ECEL1: variants seen among roughly 807,000 people sequenced by gnomAD.
ECEL1 encodes the protein endothelin converting enzyme like 1, also known as endothelin-converting enzyme-like 1.
In ECEL1, 87 loss-of-function variants were observed where a neutral mutation model predicts 101.8. The ratio of observed to expected loss-of-function variants is 0.85; its 90% CI spans 0.72 to 1.02. ECEL1 has a LOEUF of 1.02. ECEL1 is among the 50% of genes least tolerant of loss of function. The pLI is 0.00. For synonymous variants in ECEL1, 487 were observed against 468.7 expected, an observed-to-expected ratio of 1.04 and a Z score of -0.50; for missense variants, 1,032 against 1,079.2, an observed-to-expected ratio of 0.96 and a Z score of 0.61.
In ECEL1 at chr2:232,480,808, A is replaced by T; in HGVS notation, c.2061T>A (p.Tyr687Ter). 1 of 1,612,978 alleles carries T rather than the reference A, an allele frequency of 6.2e-7. No homozygotes were observed. The highest frequency in any genetic ancestry group is 8.5e-7 in the Non-Finnish European group (1 of 1,179,512). The change falls in exon 16 of 18, where the codon TAT becomes TAA. Residue 687 changes from tyrosine (Y) to a stop codon, truncating the protein, a stop_gained. Coordinates refer to ENST00000304546, the MANE Select transcript of ECEL1 (RefSeq NM_004826.4). LOFTEE classifies it high-confidence loss of function. ...GGCCGTGCTCCCGCACCCACTTCTGATAGGCCTGGGGACACAGAGAGCATG... is the reference window on the plus strand; with the variant it reads ...GGCCGTGCTCCCGCACCCACTTCTGTTAGGCCTGGGGACACAGAGAGCATG... Reference protein sequence around the residue: ...MGGLKLAYHAYQKWVREHGPE... With the variant: ...MGGLKLAYHA
Position 232,485,199 on chromosome 2 carries a change from C to T in ECEL1, c.855G>A (p.Lys285=), listed in dbSNP as rs1385907680. 4 of 1,613,584 alleles carry T rather than the reference C, an allele frequency of 2.5e-6. No homozygotes were observed. Among genetic ancestry groups the T allele is most frequent in the Non-Finnish European group, 3.4e-6 (4 of 1,180,006 alleles). Residue 285 remains lysine (K), a splice_region_variant and synonymous_variant, in exon 3 of 18, where the codon AAG becomes AAA. Transcript: ENST00000304546. ...GCCTCCCCATCCCATGCCCCAGCAC[C>T]TTCTCACTGTCCTCATCCTGAGCGA... The part of the protein sequence containing the change: ...LYLAQDEDSE[K]ILAAYRVFME...
At chr2:232,483,679 G>C (rs528782438) in intron 7 of ECEL1, among the ~76,000 whole-genome samples, 165 bp from the exon 8 acceptor site, 7 of 152,280 alleles carry the variant, frequency 4.6e-5, no homozygotes, top group Admixed American at 1.3e-4. Flanking sequence ...CTGCACCCCC[G>C]AGGGCTCACA....
Position 232,480,422 on chromosome 2 carries a change from G to A in ECEL1, c.2205C>T (p.Asp735=), listed in dbSNP as rs376978175. Residue 735 remains aspartate (D), a synonymous_variant, in exon 17 of 18, where the codon GAC becomes GAT. Coordinates refer to ENST00000304546, the MANE Select transcript of ECEL1 (RefSeq NM_004826.4). The part of the protein sequence containing the change: ...SQSIYLQVLT[D]KHAPEHYRVL... ...ACCTGTAGTGCTCAGGGGCATGCTT[G>A]TCAGTCAGCACCTGCAGGTAGATGG... 1.2e-6 allele frequency: 2 copies of A among 1,613,918 alleles called. No homozygotes were observed. Among genetic ancestry groups the A allele is most frequent in the Non-Finnish European group, 1.7e-6 (2 of 1,180,000 alleles).
chr2:232,482,720 C>T, intron 10 of ECEL1, 112 bp from the exon 11 acceptor site: 1 of 1,501,470 alleles, frequency 6.7e-7, no homozygotes, highest in Middle Eastern at 2.2e-4. Flanking sequence ...ACCCTGCCGG[C>T]CCCCACCCCA....
Position 232,486,849 on chromosome 2 carries a change from C to T in ECEL1, c.-101-95G>A, listed in dbSNP as rs368822065. The T allele has an allele frequency of 3.6e-5, 18 of 499,914 alleles. 1 individual carries two copies. In the South Asian group the frequency reaches 1.1e-3, roughly 29 times the overall value. 31.0% of individuals were successfully genotyped at this position (499,914 alleles called of 1,614,324 possible). A position where few individuals can be genotyped will look rare whatever the true frequency, so the allele number is the denominator to read the frequency against. ...GGACACAGGCCTGGGTGCAGAGGCC[C>T]CAGCCGCGGGCCTCATTCACTGCGG... On this transcript the variant is annotated intron_variant, in intron 1 of 17. Coordinates refer to ENST00000304546, the MANE Select transcript of ECEL1 (RefSeq NM_004826.4).
In ECEL1 at chr2:232,486,756, T is replaced by C. The variant is rs1690741421; in HGVS notation, c.-101-2A>G. 2.5e-6 allele frequency: 3 copies of C among 1,219,492 alleles called. No individual in the cohort carries two copies. Among genetic ancestry groups the C allele is most frequent in the South Asian group, 4.9e-5 (2 of 41,118 alleles). The allele number at this position is 1,219,492 out of a possible 1,614,324, so 75.5% of individuals were successfully genotyped here. On this transcript the variant is annotated splice_acceptor_variant, in intron 1 of 17. Transcript: ENST00000304546. LOFTEE classifies it low-confidence loss of function (5UTR_SPLICE). ...CTCCGCATGGCCCTGGGGCCGCAGC[T>C]GCGGGAAGGGCGGAAGCAGGCTCAG... is the stretch of plus-strand genomic sequence containing the variant.
rs1399066628 is a variant in ECEL1, at chr2:232,486,493, C to A, written c.161G>T (p.Arg54Leu). ...SATGARSGLP[R>L]WNRREVCLLS... ...CAGGCACACCTCGCGCCGGTTCCAG[C>A]GCGGCAGCCCGGACCGGGCCCCGGT... The change falls in exon 2 of 18, where the codon CGC becomes CTC. Residue 54 changes from arginine to leucine, a missense_variant. Coordinates refer to ENST00000304546, the MANE Select transcript of ECEL1 (RefSeq NM_004826.4). 5.7e-6 allele frequency: 8 copies of A among 1,403,076 alleles called. No individual in the cohort carries two copies. The African/African-American group carries it at 1.1e-4, about 19-fold the overall frequency. The allele number at this position is 1,403,076 out of a possible 1,614,324, so 86.9% of individuals were successfully genotyped here. A position where few individuals can be genotyped will look rare whatever the true frequency, so the allele number is the denominator to read the frequency against.
rs373843913 is a variant in ECEL1, at chr2:232,482,582, T to G, written c.1712A>C (p.Asn571Thr). 6.2e-7 allele frequency: 1 copy of G among 1,613,292 alleles called. No individual in the cohort carries two copies. The highest frequency in any genetic ancestry group is 8.5e-7 in the Non-Finnish European group (1 of 1,179,828). ...STWLLPPQAL[N>T]AYYLPNKNQM... ...GTTCTTGTTGGGTAGATAGTAGGCA[T>G]TGAGCGCCTGTGGGGGGAGCAGCCA... is the stretch of plus-strand genomic sequence containing the variant. Residue 571 changes from asparagine to threonine, a missense_variant, in exon 11 of 18, where the codon AAT becomes ACT. By Grantham distance (65) the Asn-to-Thr change is moderately conservative. Transcript: ENST00000304546.
intron 6 of ECEL1, 110 bp downstream of exon 6, chr2:232,484,362 T>A (rs1690664563): frequency 6.4e-7 from 1 of 1,568,632 alleles, no homozygotes; most frequent in South Asian, 1.2e-5. Context: ...CAGGGGGTCA[T>A]CCCAGCTATG....
At chr2:232,483,646 C>T (rs1690643478) in intron 7 of ECEL1, 132 bp from the exon 8 acceptor site, 1 of 758,428 alleles carries the variant, frequency 1.3e-6, no homozygotes, top group Non-Finnish European at 2.1e-6. Flanking sequence ...CAAGAGGATA[C>T]TTTGGAGGTG....
intron 7 of ECEL1, 53 bp downstream of exon 7, chr2:232,483,948 G>T: frequency 6.5e-7 from 1 of 1,539,904 alleles, no homozygotes; most frequent in Non-Finnish European, 8.8e-7. Context: ...GCCTCGGGAG[G>T]GCTCCACCCT....
chr2:232,485,074 C>A lies in ECEL1; in HGVS notation c.873G>T (p.Arg291Ser). The A allele has an allele frequency of 1.9e-6, 3 of 1,611,976 alleles. No homozygotes were observed. The highest frequency in any genetic ancestry group is 2.5e-6 in the Non-Finnish European group (3 of 1,180,008). Residue 291 changes from arginine (R) to serine (S), a missense_variant, in exon 4 of 18, where the codon AGG (arginine) becomes AGT (serine). Physicochemically the swap from Arg to Ser is moderately radical, Grantham distance 110. Coordinates refer to ENST00000304546, the MANE Select transcript of ECEL1 (RefSeq NM_004826.4). ...EDSEKILAAY[R>S]VFMERVLSLL... ...GGCTGAGCACTCGCTCCATGAACAC[C>A]CTGTATGCTGCCAGGATCTGCACCA...
rs1203386314 is a variant in ECEL1 at position 232,483,184 on chromosome 2, G to C, written c.1507-5C>G. The C allele has an allele frequency of 6.3e-7, 1 of 1,598,632 alleles. No individual in the cohort carries two copies. On this transcript the variant is annotated splice_region_variant and splice_polypyrimidine_tract_variant and intron_variant, in intron 8 of 17. Transcript: ENST00000304546. ...CATCACCATCATGTACTGGAGCTGC[G>C]GGCCGAGGGCAGGTGAAGGTGGCAC... is the stretch of plus-strand genomic sequence containing the variant.
rs562715846 is a variant in ECEL1 at position 232,482,462 on chromosome 2, G to A, written c.1752C>T (p.Pro584=). 3.5e-5 allele frequency: 56 copies of A among 1,614,006 alleles called. No homozygotes were observed. Among genetic ancestry groups the A allele is most frequent in the South Asian group, 4.4e-5 (4 of 91,080 alleles). The change falls in exon 12 of 18, where the codon CCC becomes CCT. Residue 584 remains proline (P), a synonymous_variant. Coordinates refer to ENST00000304546, the MANE Select transcript of ECEL1 (RefSeq NM_004826.4). ...ACAGGGTGGGCTGCAGGATGCCCGC[G>A]GGGAACACTACAAGAAGGGGGTGCT... ...YLPNKNQMVF[P]AGILQPTLYD...
chr2:232,484,569 T>G lies in ECEL1; in HGVS notation c.1087A>C (p.Ile363Leu). 6.2e-7 allele frequency: 1 copy of G among 1,613,752 alleles called. No individual in the cohort carries two copies. The highest frequency in any genetic ancestry group is 1.1e-5 in the South Asian group (1 of 91,078). ...HLRWKWLLDQ[I>L]FQEDFSEEEE... ...TCCTCTGAGAAGTCCTCCTGGAAGA[T>G]CTGGTCTAGCAGCCACTTCCACCGC... is the stretch of plus-strand genomic sequence containing the variant. The change falls in exon 6 of 18, where the codon ATC becomes CTC. Residue 363 changes from isoleucine (I) to leucine (L), a missense_variant. Transcript: ENST00000304546.
At chr2:232,481,236 C>A in intron 14 of ECEL1, 80 bp from the exon 15 acceptor site, 1 of 1,501,492 alleles carries the variant, frequency 6.7e-7, no homozygotes. Flanking sequence ...GGGCCCCAGC[C>A]CCTAATTCCT....
At chr2:232,481,062 C>T (rs772216665) in intron 15 of ECEL1, 29 bp downstream of exon 15, 110 of 1,551,020 alleles carry the variant, frequency 7.1e-5, no homozygotes, top group Admixed American at 1.4e-4. Flanking sequence ...CCTCCTGCAG[C>T]AGGGGTGGAG....
In ECEL1 at chr2:232,481,516, T is replaced by G; in HGVS notation, c.1979A>C (p.Tyr660Ser). ...AGGTGGGGGTCTCACCCGCTGGTTGTAGACAGTGAAGTTGTCATAGAGACG... is the reference window on the plus strand; with the variant it reads ...AGGTGGGGGTCTCACCCGCTGGTTGGAGACAGTGAAGTTGTCATAGAGACG... ...IVRLYDNFTV[Y>S]NQRVNGKHTL... Residue 660 changes from tyrosine to serine, a missense_variant, in exon 14 of 18, where the codon TAC becomes TCC. Transcript: ENST00000304546. 6.2e-7 allele frequency: 1 copy of G among 1,611,458 alleles called. No homozygotes were observed. The highest frequency in any genetic ancestry group is 1.1e-5 in the South Asian group (1 of 90,438).
Position 232,485,070 on chromosome 2 carries a change from A to T in ECEL1, c.877T>A (p.Phe293Ile), listed in dbSNP as rs780731737. The change falls in exon 4 of 18, where the codon TTC becomes ATC. Residue 293 changes from phenylalanine (F) to isoleucine (I), a missense_variant. Transcript: ENST00000304546. ...AGGAGGCTGAGCACTCGCTCCATGA[A>T]CACCCTGTATGCTGCCAGGATCTGC... is the stretch of plus-strand genomic sequence containing the variant. ...SEKILAAYRV[F>I]MERVLSLLGA... 6.2e-7 allele frequency: 1 copy of T among 1,612,042 alleles called. No individual in the cohort carries two copies. The highest frequency in any genetic ancestry group is 1.3e-5 in the African/African-American group (1 of 75,014).
Sources: gnomAD v4.1 joint callset for allele counts (sites outside exome capture counted in the v4.1 genomes callset) on GRCh38, gnomAD v4.1.1 for gene constraint, MANE v1.5 for transcripts, NCBI Gene and HGNC (gene_info 2026-07-23, HGNC 2026-07-21) for gene names.